Variants in DNAJB1 observed in about 807,000 individuals in gnomAD.
DNAJB1 encodes the protein dnaJ homolog subfamily B member 1.
A neutral mutation model predicts 24.0 loss-of-function variants in DNAJB1; 14 were observed. That is an observed-to-expected ratio of 0.58 (90% confidence interval 0.39 to 0.91). The LOEUF is 0.91. Among genes scored for constraint, DNAJB1 ranks in the 40% least tolerant of loss-of-function variants. The pLI is 0.00. For synonymous variants in DNAJB1, 262 were observed against 174.4 expected, an observed-to-expected ratio of 1.50 and a Z score of -3.96; for missense variants, 517 against 458.1, an observed-to-expected ratio of 1.13 and a Z score of -1.17.
chr19:14,516,306 C>T (rs2072260477), intron 2 of DNAJB1, 136 bp from the exon 3 acceptor site: 2 of 1,271,680 alleles, frequency 1.6e-6, no homozygotes, highest in South Asian at 1.3e-5. Flanking sequence ...CACGTCCCCA[C>T]CACGAAAGCT....
chr19:14,522,210 T>C (rs559575566), upstream of DNAJB1, among the ~76,000 whole-genome samples: 2 of 152,240 alleles, frequency 1.3e-5, no homozygotes, highest in African/African-American at 4.8e-5. Context: ...GAAGTTATTA[T>C]GTTGATGCGG....
At position 14,515,895 on chromosome 19, in the gene DNAJB1, G is replaced by A. The variant is rs1222810720; in HGVS notation, c.*45C>T. ...CTGGTAGAAAGGTCCAGAAATCCTT[G>A]AGCTCTGGAAAGGTCCCTGGTCAGT... On this transcript the variant is annotated 3_prime_UTR_variant, in exon 3 of 3. Coordinates refer to ENST00000254322, the MANE Select transcript of DNAJB1 (RefSeq NM_006145.3). 1 of 1,522,946 alleles carries A rather than the reference G, an allele frequency of 6.6e-7. No homozygotes were observed. Among genetic ancestry groups the A allele is most frequent in the African/African-American group, 1.4e-5 (1 of 71,738 alleles). 94.3% of individuals were successfully genotyped at this position (1,522,946 alleles called of 1,614,324 possible).
At position 14,518,275 on chromosome 19, in the gene DNAJB1, G is replaced by T; in HGVS notation, c.75C>A (p.Arg25=). 1 of 1,609,792 alleles carries T rather than the reference G, an allele frequency of 6.2e-7. No homozygotes were observed. The highest frequency in any genetic ancestry group is 8.5e-7 in the Non-Finnish European group (1 of 1,178,790). ...ASDEEIKRAY[R]RQALRYHPDK... The stretch of plus-strand genomic sequence containing the variant: ...CCGGGTGGTAGCGCAGCGCCTGGCG[G>T]CGGTAGGCCCGCTTGATCTCCTCGT... The change falls in exon 1 of 3, where the codon CGC becomes CGA. Residue 25 remains arginine (R), a synonymous_variant. Transcript: ENST00000254322.
chr19:14,516,364 T>G, intron 2 of DNAJB1, 102 bp downstream of exon 2: 1 of 1,368,334 alleles, frequency 7.3e-7, no homozygotes, highest in Non-Finnish European at 1.0e-6. Flanking sequence ...GCCCCAAGCC[T>G]GGCACGCACC....
chr19:14,520,975 A>G (rs1053590455), upstream of DNAJB1, among the ~76,000 whole-genome samples: 8 of 152,326 alleles, frequency 5.3e-5, no homozygotes, highest in African/African-American at 1.4e-4. Context: ...CCTGGATGAC[A>G]GTGAGATCCT....
upstream of DNAJB1, among the ~76,000 whole-genome samples, chr19:14,554,205 C>G (rs925571795): frequency 6.6e-6 from 1 of 152,180 alleles, no homozygotes; most frequent in Non-Finnish European, 1.5e-5. Flanking sequence ...CCTGCTCCCT[C>G]CGGCTGCTGC....
chr19:14,520,700 A>T (rs1599384104), upstream of DNAJB1, among the ~76,000 whole-genome samples: 1 of 152,178 alleles, frequency 6.6e-6, no homozygotes, highest in East Asian at 1.9e-4. Flanking sequence ...TTTTTTAAAA[A>T]GTTACTAGGC....
intron 1 of DNAJB1, among the ~76,000 whole-genome samples, chr19:14,543,388 A>AATGAATATATATATAT (rs2073168369): frequency 2.7e-5 from 1 of 37,688 alleles, no homozygotes; most frequent in Non-Finnish European, 5.0e-5. Context: ...TGTTTCAGAG[A>AATGAATATATATATAT]ATATATATAT....
chr19:14,530,069 AC>A (rs954215458), upstream of DNAJB1: 1 of 397,886 alleles, frequency 2.5e-6, no homozygotes, highest in African/African-American at 2.0e-5. Flanking sequence ...GGAGTCTTGC[AC>A]AAATCTTGCG....
intron 1 of DNAJB1, among the ~76,000 whole-genome samples, chr19:14,543,175 G>A (rs1235079459): frequency 6.7e-6 from 1 of 150,202 alleles, no homozygotes; most frequent in African/African-American, 2.5e-5. Context: ...GGCTCCTTGT[G>A]GGGAGAAGCT....
intron 1 of DNAJB1, among the ~76,000 whole-genome samples, chr19:14,559,075 C>G (rs888303568): frequency 1.3e-5 from 2 of 152,176 alleles, no homozygotes; most frequent in African/African-American, 4.8e-5. Flanking sequence ...TAGGCCCTCC[C>G]TCTGAGGGGT....
chr19:14,553,498 T>C (rs546240723), upstream of DNAJB1, among the ~76,000 whole-genome samples: 1 of 152,246 alleles, frequency 6.6e-6, no homozygotes, highest in South Asian at 2.1e-4. Flanking sequence ...GGTCATACAC[T>C]GAGGCCACTG....
At chr19:14,520,524 G>C (rs1264699168), upstream of DNAJB1, among the ~76,000 whole-genome samples, 1 of 152,174 alleles carries the variant, frequency 6.6e-6, no homozygotes, top group Non-Finnish European at 1.5e-5. Flanking sequence ...CCAGCAGGCA[G>C]ATCTGGTTCT....
chr19:14,554,604 G>C (rs997562871), upstream of DNAJB1, among the ~76,000 whole-genome samples: 5 of 152,158 alleles, frequency 3.3e-5, no homozygotes, highest in African/African-American at 1.2e-4. Context: ...CAGGCCTTCA[G>C]GCTGCGCCTC....
At chr19:14,521,553 G>C (rs146894535), upstream of DNAJB1, among the ~76,000 whole-genome samples, 35 of 152,242 alleles carry the variant, frequency 2.3e-4, no homozygotes, top group African/African-American at 7.7e-4. Context: ...GGATGTCTTT[G>C]TGCTTGGGGT....
intron 2 of DNAJB1, chr19:14,527,383 T>A (rs895230664): frequency 6.6e-6 from 1 of 151,956 alleles, no homozygotes; most frequent in Non-Finnish European, 1.5e-5. Flanking sequence ...TTTCGCCATG[T>A]TGGCCAAGCT....
At chr19:14,536,175 T>C (rs928907736) in intron 1 of DNAJB1, among the ~76,000 whole-genome samples, 40 of 152,180 alleles carry the variant, frequency 2.6e-4, no homozygotes, top group Admixed American at 2.6e-3. Flanking sequence ...GTGGCAATGC[T>C]TACGGGCTTT....
At chr19:14,522,710 A>ACACC (rs1237346470), upstream of DNAJB1, among the ~76,000 whole-genome samples, 1 of 151,554 alleles carries the variant, frequency 6.6e-6, no homozygotes, top group East Asian at 1.9e-4. Flanking sequence ...ACACACACAC[A>ACACC]CACACACACA....
chr19:14,546,847 G>A (rs531007532), intron 1 of DNAJB1, among the ~76,000 whole-genome samples: 38 of 152,136 alleles, frequency 2.5e-4, no homozygotes, highest in African/African-American at 6.7e-4. Flanking sequence ...ACACCACTAC[G>A]CCCAGCTAAC....
Sources: allele counts gnomAD v4.1 joint callset (sites outside exome capture counted in the v4.1 genomes callset), GRCh38; gene constraint gnomAD v4.1.1; transcripts MANE v1.5; gene names NCBI Gene and HGNC (gene_info 2026-07-23, HGNC 2026-07-21).